The following ARSB variants were observed in gnomAD, a reference collection of about 807,000 sequenced individuals.
The protein encoded by ARSB is N-acetylgalactosamine-4-sulfatase.
Under a neutral mutation model 50.9 loss-of-function variants are expected in ARSB, and 41 were observed. That is an observed-to-expected ratio of 0.81 (90% CI 0.63 to 1.04). The LOEUF (loss-of-function observed/expected upper bound fraction) is 1.04, where lower values mean the gene tolerates loss of function less well. ARSB is among the 50% of genes least tolerant of loss of function. The probability of loss-of-function intolerance (pLI) is 0.00; values close to 1 mark genes in which losing one functional copy is unlikely to be tolerated. For missense variants in ARSB, 672 were observed against 693.3 expected, an observed-to-expected ratio of 0.97 and a Z score of 0.35; for synonymous variants, 269 against 284.8, an observed-to-expected ratio of 0.94 and a Z score of 0.56.
chr5:78,944,417 C>T (rs1028779646), intron 4 of ARSB, among the ~76,000 whole-genome samples: 1 of 151,962 alleles, frequency 6.6e-6, no homozygotes, highest in African/African-American at 2.4e-5. Flanking sequence ...TTTTATTTAC[C>T]TTTGGTCTTT....
rs1478745008 is a variant in ARSB at position 78,984,951 on chromosome 5, T to C, written c.298A>G (p.Thr100Ala). 2.1e-6 allele frequency: 3 copies of C among 1,448,140 alleles called. No homozygotes were observed. In the East Asian group the frequency reaches 8.7e-5, roughly 42 times the overall value. 89.7% of individuals were successfully genotyped at this position (1,448,140 alleles called of 1,614,324 possible). ...LCTPSRSQLL[T>A]GRYQIRTGLQ... ...GCGCCGCGTACCTGGTAGCGGCCAG[T>C]GAGCAGCTGGCTCCGCGACGGCGTG... The change falls in exon 1 of 8, where the codon ACT becomes GCT. Residue 100 changes from threonine (T) to alanine (A), a missense_variant. Thr to Ala is a moderately conservative substitution (Grantham distance 58). Transcript: ENST00000264914.
At chr5:78,780,696 G>C (rs369552848) in intron 7 of ARSB, 34 bp from the exon 8 acceptor site, 6 of 1,612,394 alleles carry the variant, frequency 3.7e-6, no homozygotes, top group Non-Finnish European at 5.1e-6. Flanking sequence ...TACTGAGGGA[G>C]AAGCACAGAG....
intron 4 of ARSB, among the ~76,000 whole-genome samples, chr5:78,947,980 A>G (rs1751321650): frequency 6.6e-6 from 1 of 152,224 alleles, no homozygotes; most frequent in Non-Finnish European, 1.5e-5. Context: ...AACCACGTGC[A>G]ACAACATGGA....
At chr5:78,784,817 T>TC (rs1749034314) in intron 6 of ARSB, among the ~76,000 whole-genome samples, 1 of 150,382 alleles carries the variant, frequency 6.6e-6, no homozygotes, top group East Asian at 1.9e-4. Context: ...TTTTTTTTTT[T>TC]AGATGGAGTC....
intron 6 of ARSB, 116 bp from the exon 7 acceptor site, chr5:78,782,090 T>C: frequency 7.9e-7 from 1 of 1,266,940 alleles, no homozygotes; most frequent in Non-Finnish European, 1.1e-6. Context: ...AGTGCAAATG[T>C]GTATCTTGCC....
At chr5:78,941,431 C>T (rs1407192129) in intron 4 of ARSB, among the ~76,000 whole-genome samples, 1 of 152,142 alleles carries the variant, frequency 6.6e-6, no homozygotes, top group Non-Finnish European at 1.5e-5. Flanking sequence ...TCATAGATAG[C>T]TCTTATTCTT....
At chr5:78,857,547 C>T (rs946597398) in intron 5 of ARSB, among the ~76,000 whole-genome samples, 5 of 152,234 alleles carry the variant, frequency 3.3e-5, no homozygotes, top group Middle Eastern at 3.4e-3. Context: ...CCTGGTTTTA[C>T]GTGAATCAAG....
Position 78,892,114 on chromosome 5 carries a change from C to G in ARSB, c.899-6287G>C, listed in dbSNP as rs529382723. Among the ~76,000 whole-genome samples, 5 of 152,256 alleles carry G rather than the reference C, an allele frequency of 3.3e-5. No individual in the cohort carries two copies. In the East Asian group the frequency reaches 9.7e-4, roughly 29 times the overall value. ...ATCAGCACCAGCAAAGTACACAGAACAGAATAGGCTCCTATCTGGATATTT... is the reference window on the plus strand; with the variant it reads ...ATCAGCACCAGCAAAGTACACAGAAGAGAATAGGCTCCTATCTGGATATTT... On this transcript the variant is annotated intron_variant, in intron 4 of 7. Coordinates refer to ENST00000264914, the MANE Select transcript of ARSB (RefSeq NM_000046.5).
chr5:78,928,595 C>T lies in ARSB; in HGVS notation c.898+26700G>A, dbSNP rs891258062. On this transcript the variant is annotated intron_variant, in intron 4 of 7. Coordinates refer to ENST00000264914, the MANE Select transcript of ARSB (RefSeq NM_000046.5). ...CCTCCCAAAGTGCTGGGATTACAGG[C>T]GTGAGCCGCCATGCCCGGCTGCTTT... Among the ~76,000 whole-genome samples the T allele has an allele frequency of 3.9e-5, 6 of 152,018 alleles. No homozygotes were observed. The East Asian group carries it at 5.8e-4, about 15-fold the overall frequency.
At chr5:78,964,738 A>C in intron 2 of ARSB, 132 bp from the exon 3 acceptor site, 1 of 851,280 alleles carries the variant, frequency 1.2e-6, no homozygotes, top group Non-Finnish European at 1.9e-6. Flanking sequence ...GCTAATCAGC[A>C]CCATTTCTCA....
chr5:78,892,504 C>T (rs1748360066), intron 4 of ARSB, among the ~76,000 whole-genome samples: 1 of 152,054 alleles, frequency 6.6e-6, no homozygotes, highest in Admixed American at 6.6e-5. Context: ...GATTCATCCA[C>T]CTCGGCTTCC....
intron 4 of ARSB, among the ~76,000 whole-genome samples, chr5:78,938,167 G>A (rs1049322057): frequency 6.6e-6 from 1 of 152,148 alleles, no homozygotes; most frequent in Non-Finnish European, 1.5e-5. Context: ...AGGGGAGGTG[G>A]GACTACCATC....
chr5:78,971,802 G>GA (rs1222573037), intron 1 of ARSB, among the ~76,000 whole-genome samples: 1 of 152,196 alleles, frequency 6.6e-6, no homozygotes, highest in African/African-American at 2.4e-5. Context: ...TCACTATCTT[G>GA]ATGTGGTGAT....
intron 5 of ARSB, among the ~76,000 whole-genome samples, chr5:78,855,986 G>A (rs55718344): frequency 0.13 from 19,293 of 152,142 alleles, 1,418 homozygotes; most frequent in Middle Eastern, 0.21. Flanking sequence ...TTAAAATGAA[G>A]TTGTTTATTC....
chr5:78,839,262 A>T, intron 6 of ARSB, 94 bp downstream of exon 6: 1 of 1,263,836 alleles, frequency 7.9e-7, no homozygotes, highest in Non-Finnish European at 1.2e-6. Flanking sequence ...CAACTCAGGA[A>T]AAAAGAGAAA....
intron 6 of ARSB, among the ~76,000 whole-genome samples, chr5:78,819,452 C>T (rs946695248): frequency 7.2e-5 from 11 of 151,820 alleles, no homozygotes; most frequent in Non-Finnish European, 1.5e-4. Flanking sequence ...TTTTTCAAAA[C>T]GTATGTTGTG....
chr5:78,870,501 T>C (rs571769717), intron 5 of ARSB, among the ~76,000 whole-genome samples: 2,851 of 147,936 alleles, frequency 0.019, 86 homozygotes, highest in African/African-American at 0.066. Flanking sequence ...GATGCAAGGC[T>C]GCTTCAATAT....
intron 4 of ARSB, among the ~76,000 whole-genome samples, chr5:78,923,121 C>CAGGG (rs931671183): frequency 1.5e-4 from 23 of 152,142 alleles, no homozygotes; most frequent in African/African-American, 5.3e-4. Flanking sequence ...GAGAGCCAAA[C>CAGGG]AGGGAGGGAG....
At chr5:78,937,104 G>A (rs1244937287) in intron 4 of ARSB, among the ~76,000 whole-genome samples, 1 of 151,862 alleles carries the variant, frequency 6.6e-6, no homozygotes, top group African/African-American at 2.4e-5. Flanking sequence ...GCTCCAGTGA[G>A]TTCTGAGAGG....
Sources: allele counts gnomAD v4.1 joint callset (sites outside exome capture counted in the v4.1 genomes callset), GRCh38; gene constraint gnomAD v4.1.1; transcripts MANE v1.5; gene names NCBI Gene and HGNC (gene_info 2026-07-23, HGNC 2026-07-21).